Variants in DMXL1 observed in about 807,000 individuals in gnomAD.
DMXL1 encodes dmX-like protein 1.
Under a neutral mutation model 319.2 loss-of-function variants are expected in DMXL1, and 99 were observed. That is an observed-to-expected ratio of 0.31 (90% CI 0.26 to 0.37). The LOEUF (loss-of-function observed/expected upper bound fraction) is 0.37, where lower values mean the gene tolerates loss of function less well. DMXL1 is among the 10% of genes least tolerant of loss of function. The probability of loss-of-function intolerance (pLI) is 1.00; values close to 1 mark genes in which losing one functional copy is unlikely to be tolerated. For missense variants in DMXL1, 3,745 were observed against 3,595.6 expected (o/e 1.04, Z -1.06); for synonymous variants, 1,385 against 1,235.2 (o/e 1.12, Z -2.54).
chr5:119,189,855 A>T lies in DMXL1; in HGVS notation c.7283A>T (p.Glu2428Val), dbSNP rs1368580726. The T allele has an allele frequency of 2.5e-6, 4 of 1,613,872 alleles. No homozygotes were observed. In the African/African-American group the frequency reaches 5.3e-5, roughly 22 times the overall value. The part of the protein sequence containing the change: ...LAVKEKFIPP[E>V]LSIWDYFIAK... ...GTTAAAGAAAAGTTCATCCCACCTGAGCTCAGTATCTGGGACTATTTCATA... is the reference window on the plus strand; with the variant it reads ...GTTAAAGAAAAGTTCATCCCACCTGTGCTCAGTATCTGGGACTATTTCATA... The change falls in exon 29 of 44, where the codon GAG becomes GTG. Residue 2428 changes from glutamate (E) to valine (V), a missense_variant. Glu to Val is a moderately radical substitution (Grantham distance 121, BLOSUM62 -2). This residue lies in a region of DMXL1 where 1,382 missense variants were observed against 1,269.5 expected (regional missense o/e 1.09). Transcript: ENST00000539542.
intron 13 of DMXL1, among the ~76,000 whole-genome samples, chr5:119,137,798 A>T (rs1253360782): frequency 6.6e-6 from 1 of 152,188 alleles, no homozygotes; most frequent in African/African-American, 2.4e-5. Context: ...TGTTAAAATT[A>T]CCCAGTCTCA....
At chr5:119,234,261 A>G (rs1787308754) in intron 39 of DMXL1, among the ~76,000 whole-genome samples, 1 of 152,118 alleles carries the variant, frequency 6.6e-6, no homozygotes. Flanking sequence ...CAGTGCACCC[A>G]CAGCCAGCCC....
In DMXL1 at chr5:119,098,112, ATCT is replaced by A. The variant is rs768021032; in HGVS notation, c.213+15_213+17del. On this transcript the variant is annotated intron_variant, in intron 2 of 43. Transcript: ENST00000539542. ...TCAATGCAACAAGGCAAGGTTTGTAATCTTCTTCTAATATACAAATTTGTTTGG... is the reference window on the plus strand; with the variant it reads ...TCAATGCAACAAGGCAAGGTTTGTAATCTTCTAATATACAAATTTGTTTGG... The A allele has an allele frequency of 1.5e-5, 24 of 1,597,532 alleles. No homozygotes were observed. In the East Asian group the frequency reaches 1.6e-4, roughly 11 times the overall value.
intron 3 of DMXL1, among the ~76,000 whole-genome samples, chr5:119,103,966 A>G (rs1024146849): frequency 5.9e-5 from 9 of 152,236 alleles, no homozygotes; most frequent in African/African-American, 2.2e-4. Context: ...CTGACTTTGC[A>G]GAAAGGACAA....
intron 28 of DMXL1, chr5:119,178,746 G>A: frequency 1.3e-6 from 1 of 765,980 alleles, no homozygotes; most frequent in Non-Finnish European, 1.6e-6. Flanking sequence ...GTGTTGTTTT[G>A]AGGGGTTGGG....
intron 24 of DMXL1, 45 bp downstream of exon 24, chr5:119,171,325 T>C (rs1774500337): frequency 6.6e-7 from 1 of 1,516,556 alleles, no homozygotes; most frequent in Non-Finnish European, 8.8e-7. Context: ...TGTCTAAAAC[T>C]GTTTTTGGTG....
rs1260226385 is a variant in DMXL1 at position 119,165,299 on chromosome 5, AAAAAAG to A, written c.4970+20_4970+25del. 4 of 1,376,466 alleles carry A rather than the reference AAAAAAG, an allele frequency of 2.9e-6. No homozygotes were observed. Among genetic ancestry groups the A allele is most frequent in the Admixed American group, 2.2e-5 (1 of 46,472 alleles). The allele number at this position is 1,376,466 out of a possible 1,614,324, so 85.3% of individuals were successfully genotyped here. A position where few individuals can be genotyped will look rare whatever the true frequency, so the allele number is the denominator to read the frequency against. On this transcript the variant is annotated intron_variant, in intron 21 of 43. Transcript: ENST00000539542. ...TATATAGGTAGGTAAAAAAAAAAAA[AAAAAAG>A]GGTGCTTCAATGTGAAAACCTGTTC...
chr5:119,226,961 C>A (rs1180854313), intron 38 of DMXL1, among the ~76,000 whole-genome samples: 1 of 152,170 alleles, frequency 6.6e-6, no homozygotes, highest in Non-Finnish European at 1.5e-5. Context: ...ATGTGTTCAC[C>A]AGCCAAGAAG....
At chr5:119,224,674 A>C in intron 37 of DMXL1, 35 bp from the exon 38 acceptor site, 2 of 799,028 alleles carry the variant, frequency 2.5e-6, no homozygotes, top group Non-Finnish European at 1.9e-6. Context: ...AATCCTTTTT[A>C]TTATGCCTAT....
At chr5:119,238,811 A>G in intron 40 of DMXL1, 178 bp from the exon 41 acceptor site, 1 of 872,330 alleles carries the variant, frequency 1.1e-6, no homozygotes, top group South Asian at 5.3e-5. Flanking sequence ...ATCTGGGTAA[A>G]AGGTATATGA....
intron 25 of DMXL1, 21 bp downstream of exon 25, chr5:119,171,990 GC>G (rs1774663702): frequency 6.3e-7 from 1 of 1,586,516 alleles, no homozygotes; most frequent in African/African-American, 1.4e-5. Flanking sequence ...TTGGTTTCAA[GC>G]TTTTACTTCA....
At chr5:119,182,164 A>G (rs1051594572) in intron 28 of DMXL1, among the ~76,000 whole-genome samples, 6 of 152,342 alleles carry the variant, frequency 3.9e-5, no homozygotes, top group South Asian at 2.1e-4. Flanking sequence ...GTAATGTTCA[A>G]TATACATTGT....
chr5:119,122,336 G>T (rs1762327202), intron 9 of DMXL1, among the ~76,000 whole-genome samples: 1 of 149,206 alleles, frequency 6.7e-6, no homozygotes, highest in Admixed American at 6.6e-5. Context: ...CTCCCTCCCG[G>T]AGGGGGCGGC....
chr5:119,071,550 T>C lies in DMXL1; in HGVS notation c.-20T>C, dbSNP rs111243647. On this transcript the variant is annotated 5_prime_UTR_variant, in exon 1 of 44. Coordinates refer to ENST00000539542, the MANE Select transcript of DMXL1 (RefSeq NM_001290321.3). ...GGCATGAGCTGGATGCGGTGTCCGTTGCAGGACTAGGGCGCCGACATGAAC... is the reference window on the plus strand; with the variant it reads ...GGCATGAGCTGGATGCGGTGTCCGTCGCAGGACTAGGGCGCCGACATGAAC... The C allele has an allele frequency of 1.3e-6, 2 of 1,594,250 alleles. No individual in the cohort carries two copies. Among genetic ancestry groups the C allele is most frequent in the Non-Finnish European group, 1.7e-6 (2 of 1,170,388 alleles).
intron 3 of DMXL1, among the ~76,000 whole-genome samples, chr5:119,103,437 G>A (rs1757692920): frequency 6.6e-6 from 1 of 152,106 alleles, no homozygotes; most frequent in Non-Finnish European, 1.5e-5. Flanking sequence ...TTATGAATAA[G>A]GCAGTAGAGT....
At chr5:119,198,581 C>T (rs138710053) in intron 32 of DMXL1, among the ~76,000 whole-genome samples, 1 of 152,160 alleles carries the variant, frequency 6.6e-6, no homozygotes, top group Non-Finnish European at 1.5e-5. Context: ...AGATTCAGCA[C>T]AATTCCTGTC....
intron 30 of DMXL1, among the ~76,000 whole-genome samples, chr5:119,195,344 C>G (rs138591959): frequency 5.3e-4 from 81 of 152,278 alleles, no homozygotes; most frequent in African/African-American, 1.4e-3. Flanking sequence ...AAGAAACAAT[C>G]AAGTGTGTTT....
chr5:119,202,393 C>G (rs1286407999), intron 32 of DMXL1, among the ~76,000 whole-genome samples: 1 of 152,086 alleles, frequency 6.6e-6, no homozygotes, highest in African/African-American at 2.4e-5. Context: ...GCCATAAATC[C>G]TCTCAATTGC....
At chr5:119,154,207 G>A (rs941121656) in intron 19 of DMXL1, among the ~76,000 whole-genome samples, 7 of 152,320 alleles carry the variant, frequency 4.6e-5, no homozygotes, top group Admixed American at 4.6e-4. Context: ...GTGTTCAAGT[G>A]AAAGGAAGAG....
Sources: gnomAD v4.1 joint callset for allele counts (sites outside exome capture counted in the v4.1 genomes callset) on GRCh38, gnomAD v4.1.1 for gene constraint, gnomAD v4.1.1 regional missense constraint, MANE v1.5 for transcripts, NCBI Gene and HGNC (gene_info 2026-07-23, HGNC 2026-07-21) for gene names.